The following RASAL2 variants were observed in gnomAD, a reference collection of about 807,000 sequenced individuals.
The protein encoded by RASAL2 is ras GTPase-activating protein nGAP.
In RASAL2, 58 loss-of-function variants were observed where a neutral mutation model predicts 128.9. The observed-to-expected ratio is 0.45, with a 90% CI of 0.36 to 0.56. The LOEUF is 0.56. RASAL2 is among the 20% of genes least tolerant of loss of function. The probability of loss-of-function intolerance (pLI) is 0.00; values close to 1 mark genes in which losing one functional copy is unlikely to be tolerated. For missense variants in RASAL2, 1,360 were observed against 1,601.6 expected (o/e 0.85, Z 2.57); for synonymous variants, 561 against 580.8 (o/e 0.97, Z 0.49).
chr1:178,239,162 A>G (rs1014520885), intron 1 of RASAL2, among the ~76,000 whole-genome samples: 1 of 152,128 alleles, frequency 6.6e-6, no homozygotes, highest in Non-Finnish European at 1.5e-5. Context: ...TTTTGTCACC[A>G]AAATGTCAAA....
intron 1 of RASAL2, among the ~76,000 whole-genome samples, chr1:178,256,292 T>C (rs1331844416): frequency 2.0e-5 from 3 of 152,178 alleles, no homozygotes; most frequent in East Asian, 1.9e-4. Flanking sequence ...GAGCATTCGA[T>C]GAGATTCAAC....
intron 3 of RASAL2, among the ~76,000 whole-genome samples, chr1:178,346,387 C>A (rs1262972508): frequency 6.7e-6 from 1 of 148,864 alleles, no homozygotes; most frequent in Non-Finnish European, 1.5e-5. Flanking sequence ...GGTGACAGAG[C>A]AAAACCTTGT....
At chr1:178,286,247 C>G (rs1241682141) in intron 2 of RASAL2, among the ~76,000 whole-genome samples, 2 of 152,162 alleles carry the variant, frequency 1.3e-5, no homozygotes, top group Admixed American at 6.5e-5. Context: ...CTTACAAGAA[C>G]TGAGATCTTC....
chr1:178,131,049 T>C (rs1015638432), intron 1 of RASAL2, among the ~76,000 whole-genome samples: 1 of 150,398 alleles, frequency 6.6e-6, no homozygotes, highest in Non-Finnish European at 1.5e-5. Context: ...AGCGAGACTC[T>C]GTCTCAAAAA....
At chr1:178,349,371 C>G (rs1351354928) in intron 3 of RASAL2, among the ~76,000 whole-genome samples, 6 of 151,682 alleles carry the variant, frequency 4.0e-5, no homozygotes, top group Admixed American at 1.3e-4. Context: ...TTGAAGTGAG[C>G]TGAGATTGTG....
chr1:178,331,579 G>A (rs924273450), intron 3 of RASAL2, among the ~76,000 whole-genome samples: 1 of 136,100 alleles, frequency 7.3e-6, no homozygotes, highest in African/African-American at 3.1e-5. Flanking sequence ...GTAACTTCAT[G>A]CATCTTTTTT....
At chr1:178,288,642 CTTTTTTTTTTTTTTTTT>C (rs60150701) in intron 2 of RASAL2, among the ~76,000 whole-genome samples, 14 of 97,304 alleles carry the variant, frequency 1.4e-4, no homozygotes, top group African/African-American at 7.8e-4. Context: ...CTTTCTCTCT[CTTTTTTTTTTTTTTTTT>C]TTTTTTTTTG....
At position 178,300,030 on chromosome 1, in the gene RASAL2, C is replaced by T; in HGVS notation, c.369C>T (p.Ser123=). ...VEGGQEQQTD[S]TKGRCLRRTV... is the part of the protein sequence containing the mutation. ...GGGGACAGGAGCAGCAGACAGATTC[C>T]ACCAAAGGGCGATGCCTGAGGAGAA... The change falls in exon 3 of 18, where the codon TCC becomes TCT. Residue 123 remains serine, a synonymous_variant. Transcript: ENST00000367649. The T allele has an allele frequency of 6.2e-7, 1 of 1,613,960 alleles. No homozygotes were observed. Among genetic ancestry groups the T allele is most frequent in the Non-Finnish European group, 8.5e-7 (1 of 1,179,944 alleles).
rs966903927 is a variant in RASAL2, at chr1:178,454,548, C to T, written c.2111C>T (p.Thr704Ile). ...CTTTTGGAGATCTCTAATCCAGACA[C>T]CATCTCAAACACCCCAGGCTTTGAT... Reference protein sequence around the residue: ...RFLLEISNPDTISNTPGFDGY... With the variant: ...RFLLEISNPDIISNTPGFDGY... The change falls in exon 12 of 18, where the codon ACC (threonine) becomes ATC (isoleucine). Residue 704 changes from threonine (T) to isoleucine (I), a missense_variant. Physicochemically the swap from Thr to Ile is moderately conservative, Grantham distance 89. Coordinates refer to ENST00000367649, the MANE Select transcript of RASAL2 (RefSeq NM_170692.4). 1 of 1,613,828 alleles carries T rather than the reference C, an allele frequency of 6.2e-7. No homozygotes were observed. Among genetic ancestry groups the T allele is most frequent in the Admixed American group, 1.7e-5 (1 of 60,012 alleles).
intron 1 of RASAL2, among the ~76,000 whole-genome samples, chr1:178,117,089 G>T (rs1419412768): frequency 1.3e-5 from 2 of 152,116 alleles, no homozygotes; most frequent in Admixed American, 1.3e-4. Context: ...TTAATTTACA[G>T]ATTTATGCCA....
chr1:178,370,867 G>A (rs544609446), intron 3 of RASAL2, among the ~76,000 whole-genome samples: 2 of 152,190 alleles, frequency 1.3e-5, no homozygotes, highest in Non-Finnish European at 2.9e-5. Context: ...GGAGAAAAGG[G>A]TATAGATTCA....
At chr1:178,287,026 C>T (rs533535364) in intron 2 of RASAL2, among the ~76,000 whole-genome samples, 1 of 152,224 alleles carries the variant, frequency 6.6e-6, no homozygotes, top group South Asian at 2.1e-4. Context: ...GATCCTGTCA[C>T]CTTTTCTGGC....
intron 1 of RASAL2, among the ~76,000 whole-genome samples, chr1:178,188,807 G>C (rs1386862732): frequency 2.0e-5 from 3 of 152,040 alleles, no homozygotes. Context: ...CTGTATACTA[G>C]CTTAAATTGT....
chr1:178,445,435 G>A, intron 8 of RASAL2, 83 bp from the exon 9 acceptor site: 1 of 1,381,546 alleles, frequency 7.2e-7, no homozygotes, highest in Non-Finnish European at 9.7e-7. Flanking sequence ...AGCATTTCCA[G>A]GATGTCTGAT....
chr1:178,353,121 C>T (rs1670605363), intron 3 of RASAL2, among the ~76,000 whole-genome samples: 1 of 152,214 alleles, frequency 6.6e-6, no homozygotes, highest in Admixed American at 6.5e-5. Flanking sequence ...CTGCAACCTG[C>T]TTGAATTCCT....
intron 1 of RASAL2, among the ~76,000 whole-genome samples, chr1:178,120,009 A>G (rs1659657429): frequency 6.6e-6 from 1 of 152,240 alleles, no homozygotes; most frequent in African/African-American, 2.4e-5. Flanking sequence ...ACTAAGAATG[A>G]TGCTCTCAGT....
intron 3 of RASAL2, among the ~76,000 whole-genome samples, chr1:178,384,566 G>A (rs1672450250): frequency 6.6e-6 from 1 of 151,722 alleles, no homozygotes; most frequent in African/African-American, 2.4e-5. Context: ...TAATCAGGAG[G>A]CTGAGGTGGG....
At chr1:178,469,570 G>A (rs906350482) in intron 17 of RASAL2, among the ~76,000 whole-genome samples, 7 of 152,182 alleles carry the variant, frequency 4.6e-5, no homozygotes, top group Non-Finnish European at 1.0e-4. Flanking sequence ...GTCATGTGTA[G>A]GAATGGGAGA....
chr1:178,322,857 A>G (rs750593189), intron 3 of RASAL2, among the ~76,000 whole-genome samples: 14 of 152,150 alleles, frequency 9.2e-5, no homozygotes, highest in Non-Finnish European at 1.9e-4. Flanking sequence ...GCTCTTTAAG[A>G]TCATCTTTTT....
Sources: allele counts gnomAD v4.1 joint callset (sites outside exome capture counted in the v4.1 genomes callset), GRCh38; gene constraint gnomAD v4.1.1; transcripts MANE v1.5; gene names NCBI Gene and HGNC (gene_info 2026-07-23, HGNC 2026-07-21).